The following PDCD11 variants were observed in gnomAD, a reference collection of about 807,000 sequenced individuals.
PDCD11 encodes the protein protein RRP5 homolog.
PDCD11 carries 97 observed loss-of-function variants against 198.9 expected under a neutral mutation model. The ratio of observed to expected loss-of-function variants is 0.49; its 90% confidence interval spans 0.41 to 0.58. The LOEUF (loss-of-function observed/expected upper bound fraction) is 0.58, where lower values mean the gene tolerates loss of function less well. Ranked by LOEUF, PDCD11 falls within the 20% of genes least tolerant of loss-of-function variation. The probability of loss-of-function intolerance (pLI) is 0.00; values close to 1 mark genes in which losing one functional copy is unlikely to be tolerated. For missense variants in PDCD11, 2,102 were observed against 2,312.7 expected (o/e 0.91, Z 1.87); for synonymous variants, 893 against 918.0 (o/e 0.97, Z 0.49).
At chr10:103,405,249 G>A (rs147126143) in intron 5 of PDCD11, 66 bp downstream of exon 5, 9 of 1,512,368 alleles carry the variant, frequency 6.0e-6, no homozygotes, top group South Asian at 1.2e-5. Context: ...AGGGAGCGTG[G>A]TCTAGGCCAC....
At chr10:103,403,458 C>T (rs955690383) in intron 4 of PDCD11, among the ~76,000 whole-genome samples, 173 bp downstream of exon 4, 1 of 152,098 alleles carries the variant, frequency 6.6e-6, no homozygotes, top group African/African-American at 2.4e-5. Context: ...GGAAGGGATG[C>T]TTAAGCTGAG....
At position 103,403,193 on chromosome 10, in the gene PDCD11, A is replaced by G. The variant is rs1394363010; in HGVS notation, c.310A>G (p.Asn104Asp). Residue 104 changes from asparagine to aspartate, a missense_variant, in exon 4 of 36, where the codon AAT becomes GAT. By Grantham distance (23) the Asn-to-Asp change is conservative. Coordinates refer to ENST00000369797, the MANE Select transcript of PDCD11 (RefSeq NM_014976.2). ...NELELVISLP[N>D]GLQGFVQVTE... is the part of the protein sequence containing the mutation. ...ACTGGAACTGGTGATTAGTCTCCCC[A>G]ATGGCCTCCAGGGCTTTGTGCAAGT... The G allele has an allele frequency of 1.6e-5, 26 of 1,614,162 alleles. 1 individual carries two copies. Among genetic ancestry groups the G allele is most frequent in the Non-Finnish European group, 1.9e-5 (23 of 1,179,992 alleles).
chr10:103,413,223 G>C lies in PDCD11; in HGVS notation c.1086G>C (p.Gln362His). The C allele has an allele frequency of 6.2e-7, 1 of 1,614,186 alleles. No homozygotes were observed. Among genetic ancestry groups the C allele is most frequent in the Non-Finnish European group, 8.5e-7 (1 of 1,180,026 alleles). ...PGRPLTRLSC[Q>H]NLGAVLDDVP... ...GCCCACTCACCCGACTCTCTTGCCA[G>C]AACCTTGGAGCAGTGCTGGATGATG... is the stretch of plus-strand genomic sequence containing the variant. The change falls in exon 9 of 36, where the codon CAG (glutamine) becomes CAC (histidine). Residue 362 changes from glutamine to histidine, a missense_variant. Transcript: ENST00000369797.
At chr10:103,400,600 TCTTTC>T in intron 3 of PDCD11, 72 bp downstream of exon 3, 1 of 1,450,696 alleles carries the variant, frequency 6.9e-7, no homozygotes, top group Non-Finnish European at 9.4e-7. Context: ...CTTTTTTTCT[TCTTTC>T]CTTCTTTTTT....
Position 103,421,361 on chromosome 10 carries a change from A to G in PDCD11, c.2291A>G (p.Lys764Arg), listed in dbSNP as rs753571813. Residue 764 changes from lysine (K) to arginine (R), a missense_variant, in exon 17 of 36, where the codon AAA (lysine) becomes AGA (arginine). Lys to Arg is a conservative substitution (Grantham distance 26). Transcript: ENST00000369797. ...GLAPKAIMSD[K>R]FVTSTSDHFV... The stretch of plus-strand genomic sequence containing the variant: ...TCTTCTGTTCAGATCATGAGTGACA[A>G]ATTTGTGACCTCCACAAGTGACCAC... 1.2e-6 allele frequency: 2 copies of G among 1,607,600 alleles called. No homozygotes were observed. The highest frequency in any genetic ancestry group is 3.4e-5 in the Admixed American group (2 of 58,976).
intron 3 of PDCD11, among the ~76,000 whole-genome samples, chr10:103,401,676 A>G (rs550912871): frequency 2.0e-5 from 3 of 152,372 alleles, no homozygotes; most frequent in Admixed American, 6.5e-5. Context: ...TTCAGAGTCA[A>G]TATTTTGTCC....
intron 1 of PDCD11, among the ~76,000 whole-genome samples, chr10:103,397,540 A>G (rs936928217): frequency 1.3e-5 from 2 of 152,260 alleles, no homozygotes; most frequent in African/African-American, 2.4e-5. Context: ...GCCTCAAGCA[A>G]TTCTCACGCT....
intron 19 of PDCD11, among the ~76,000 whole-genome samples, chr10:103,424,360 C>A (rs537271636): frequency 6.6e-6 from 1 of 152,160 alleles, no homozygotes; most frequent in South Asian, 2.1e-4. Context: ...TCCTTAATTT[C>A]CAGTTGCTTA....
At position 103,441,112 on chromosome 10, in the gene PDCD11, G is replaced by A. The variant is rs367906348; in HGVS notation, c.4557+262G>A. On this transcript the variant is annotated intron_variant, in intron 30 of 35. Coordinates refer to ENST00000369797, the MANE Select transcript of PDCD11 (RefSeq NM_014976.2). ...GGGCAGAGAAAGAGGAGGCTGAGCC[G>A]TTCTGAGCCTGCATCCTCCAAAAGA... 7.3e-4 allele frequency among the ~76,000 whole-genome samples: 111 copies of A among 152,270 alleles called. 3 individuals carry two copies. In the South Asian group the frequency reaches 0.021, roughly 29 times the overall value.
At chr10:103,419,418 G>GA in intron 15 of PDCD11, 120 bp from the exon 16 acceptor site, 2 of 1,108,924 alleles carry the variant, frequency 1.8e-6, no homozygotes. Context: ...CACACTTAGA[G>GA]AATCGCTGTA....
chr10:103,397,732 CCTT>C lies in PDCD11; in HGVS notation c.-11-680_-11-678del, dbSNP rs900557896. ...TACAGGTGTGAGCCATGGTGCCCGGCCTTCTTTAAAATTTAACTTCAATTTTTA... is the reference window on the plus strand; with the variant it reads ...TACAGGTGTGAGCCATGGTGCCCGGCCTTTAAAATTTAACTTCAATTTTTA... On this transcript the variant is annotated intron_variant, in intron 1 of 35. Transcript: ENST00000369797. Among the ~76,000 whole-genome samples the C allele has an allele frequency of 7.0e-4, 107 of 152,342 alleles. 1 individual carries two copies. The highest frequency in any genetic ancestry group is 2.3e-3 in the African/African-American group (96 of 41,572).
chr10:103,411,431 C>T (rs1454442900), intron 8 of PDCD11, among the ~76,000 whole-genome samples: 3 of 152,062 alleles, frequency 2.0e-5, no homozygotes, highest in Non-Finnish European at 4.4e-5. Flanking sequence ...AATGGCACAA[C>T]CACGGTTAAT....
chr10:103,414,363 T>TGATGGTGAGGCAGTA, intron 11 of PDCD11, 33 bp downstream of exon 11: 1 of 1,527,162 alleles, frequency 6.5e-7, no homozygotes, highest in Non-Finnish European at 9.1e-7. Context: ...AGGTACTGCC[T>TGATGGTGAGGCAGTA]CACCATCAGG....
At position 103,425,497 on chromosome 10, in the gene PDCD11, A is replaced by T. The variant is rs1022738656; in HGVS notation, c.3277A>T (p.Ile1093Phe). Residue 1093 changes from isoleucine (I) to phenylalanine (F), a missense_variant, in exon 20 of 36, where the codon ATT becomes TTT. Coordinates refer to ENST00000369797, the MANE Select transcript of PDCD11 (RefSeq NM_014976.2). ...TGGGAAGACGGTCACTGCCCGAGTG[A>T]TTGGCGGGCGAGACATGAAGACATT... ...KVGKTVTARV[I>F]GGRDMKTFKY... 6.2e-7 allele frequency: 1 copy of T among 1,610,934 alleles called. No homozygotes were observed. The highest frequency in any genetic ancestry group is 1.7e-5 in the Admixed American group (1 of 59,920).
At chr10:103,424,390 CAG>C (rs1286506233) in intron 19 of PDCD11, among the ~76,000 whole-genome samples, 2 of 152,150 alleles carry the variant, frequency 1.3e-5, no homozygotes, top group Non-Finnish European at 2.9e-5. Context: ...GAGTTTAGGA[CAG>C]AGAGAGAATG....
chr10:103,411,036 C>G (rs374620139), intron 8 of PDCD11, among the ~76,000 whole-genome samples: 4 of 151,236 alleles, frequency 2.6e-5, no homozygotes, highest in Admixed American at 6.6e-5. Flanking sequence ...GATTGTGCCA[C>G]TGCACCCCAG....
intron 25 of PDCD11, among the ~76,000 whole-genome samples, chr10:103,436,135 C>G (rs767574559): frequency 6.6e-6 from 1 of 151,358 alleles, no homozygotes; most frequent in Non-Finnish European, 1.5e-5. Context: ...GAGTCTTGCT[C>G]TGTCACCCAG....
chr10:103,432,309 G>A, intron 22 of PDCD11, 75 bp downstream of exon 22: 3 of 1,061,910 alleles, frequency 2.8e-6, no homozygotes, highest in Non-Finnish European at 2.9e-6. Flanking sequence ...GGAGAGAAAA[G>A]CCATTAGCAG....
intron 21 of PDCD11, among the ~76,000 whole-genome samples, chr10:103,429,032 G>A (rs2031815134): frequency 1.3e-5 from 2 of 152,190 alleles, no homozygotes; most frequent in African/African-American, 4.8e-5. Flanking sequence ...AAGTCAGGAT[G>A]AAAAACATTT....
Sources: gnomAD v4.1 joint callset for allele counts (sites outside exome capture counted in the v4.1 genomes callset) on GRCh38, gnomAD v4.1.1 for gene constraint, MANE v1.5 for transcripts, NCBI Gene and HGNC (gene_info 2026-07-23, HGNC 2026-07-21) for gene names.